CSMD2: variants seen among roughly 807,000 people sequenced by gnomAD.
CSMD2 encodes the protein CUB and sushi domain-containing protein 2.
In CSMD2, 130 loss-of-function variants were observed where a neutral mutation model predicts 398.5. The ratio of observed to expected loss-of-function variants is 0.33; its 90% CI spans 0.28 to 0.38. The LOEUF (loss-of-function observed/expected upper bound fraction) is 0.38. Among genes scored for constraint, CSMD2 ranks in the 10% least tolerant of loss-of-function variants. CSMD2 has a pLI of 1.00. For missense variants in CSMD2, 3,829 were observed against 4,764.9 expected, an observed-to-expected ratio of 0.80 and a Z score of 5.78; for synonymous variants, 1,828 against 1,908.5, an observed-to-expected ratio of 0.96 and a Z score of 1.10.
chr1:33,752,044 T>C (rs894319186), intron 13 of CSMD2, among the ~76,000 whole-genome samples: 13 of 152,180 alleles, frequency 8.5e-5, no homozygotes, highest in Admixed American at 1.3e-4. Context: ...GGAGGAAGAA[T>C]TATTTGAAGC....
rs1003595947 is a variant in CSMD2 at position 33,879,878 on chromosome 1, T to C, written c.921-32882A>G. Among the ~76,000 whole-genome samples, 3 of 152,198 alleles carry C rather than the reference T, an allele frequency of 2.0e-5. No homozygotes were observed. In the East Asian group the frequency reaches 5.8e-4, roughly 29 times the overall value. On this transcript the variant is annotated intron_variant, in intron 5 of 70. Coordinates refer to ENST00000373381, the MANE Select transcript of CSMD2 (RefSeq NM_001281956.2). Reference sequence around the variant, plus strand: ...AAATGAGAGCATGAATATAAAGAATTTAGCATAGCGCATCACACCTGATAC... The same window carrying C: ...AAATGAGAGCATGAATATAAAGAATCTAGCATAGCGCATCACACCTGATAC...
chr1:33,774,134 T>C (rs1651652442), intron 12 of CSMD2, among the ~76,000 whole-genome samples: 1 of 151,178 alleles, frequency 6.6e-6, no homozygotes, highest in Admixed American at 6.6e-5. Context: ...TGTGTGTGTG[T>C]GTGTGTGTGT....
chr1:33,811,928 T>C (rs1415483167), intron 9 of CSMD2, among the ~76,000 whole-genome samples: 1 of 152,178 alleles, frequency 6.6e-6, no homozygotes, highest in Non-Finnish European at 1.5e-5. Context: ...CAAGCTTAAC[T>C]ATATAAAATG....
At chr1:33,941,855 A>G (rs554447071) in intron 3 of CSMD2, among the ~76,000 whole-genome samples, 2 of 151,904 alleles carry the variant, frequency 1.3e-5, no homozygotes, top group Middle Eastern at 3.5e-3. Flanking sequence ...ATATATAATT[A>G]TACATTTTAT....
chr1:33,653,634 G>A (rs148260936), intron 27 of CSMD2, among the ~76,000 whole-genome samples: 1 of 152,254 alleles, frequency 6.6e-6, no homozygotes, highest in East Asian at 1.9e-4. Context: ...TTTACCTAGG[G>A]ACCTTCTGGG....
chr1:34,021,822 C>T (rs551098986), intron 3 of CSMD2, among the ~76,000 whole-genome samples: 4 of 152,318 alleles, frequency 2.6e-5, no homozygotes, highest in African/African-American at 9.6e-5. Flanking sequence ...ATGATAAGTA[C>T]ACCTCAACTG....
chr1:33,996,676 T>C (rs1411748570), intron 3 of CSMD2, among the ~76,000 whole-genome samples: 1 of 151,880 alleles, frequency 6.6e-6, no homozygotes, highest in Non-Finnish European at 1.5e-5. Flanking sequence ...AAGATCAAAT[T>C]AGATAAATCA....
intron 13 of CSMD2, among the ~76,000 whole-genome samples, chr1:33,750,981 A>C (rs1167462073): frequency 6.6e-6 from 1 of 152,164 alleles, no homozygotes; most frequent in Admixed American, 6.5e-5. Context: ...AATGAGAGAC[A>C]AATGGAGAGA....
chr1:34,019,528 T>C (rs1268277613), intron 3 of CSMD2, among the ~76,000 whole-genome samples: 6 of 152,094 alleles, frequency 3.9e-5, no homozygotes, highest in Non-Finnish European at 8.8e-5. Context: ...ATGTAGGGAG[T>C]GAGCCCTGGG....
intron 1 of CSMD2, among the ~76,000 whole-genome samples, chr1:34,154,950 A>C (rs1640670905): frequency 6.6e-6 from 1 of 151,876 alleles, no homozygotes; most frequent in Non-Finnish European, 1.5e-5. Flanking sequence ...CTGGTCTCAA[A>C]CTCCTGACCT....
intron 3 of CSMD2, among the ~76,000 whole-genome samples, chr1:34,023,578 C>A (rs1016971272): frequency 3.9e-5 from 6 of 152,140 alleles, no homozygotes; most frequent in African/African-American, 1.2e-4. Context: ...ATAGTTCTTG[C>A]CCTCGGAGAG....
At chr1:33,802,800 A>G (rs578248776) in intron 10 of CSMD2, among the ~76,000 whole-genome samples, 2 of 151,860 alleles carry the variant, frequency 1.3e-5, no homozygotes, top group African/African-American at 4.8e-5. Flanking sequence ...TTCTGTCACC[A>G]TCCCTCTTCT....
rs190810284 is a variant in CSMD2, at chr1:33,899,113, G to A, written c.920+18981C>T. 2.9e-4 allele frequency among the ~76,000 whole-genome samples: 44 copies of A among 152,304 alleles called. No homozygotes were observed. In the South Asian group the frequency reaches 3.3e-3, roughly 11 times the overall value. ...CGTGACGGATGTGGCTAAATGACAC[G>A]GGCCATTTATCTGCATTGACAGGGC... On this transcript the variant is annotated intron_variant, in intron 5 of 70. Transcript: ENST00000373381.
intron 3 of CSMD2, among the ~76,000 whole-genome samples, chr1:33,972,489 T>A (rs1367198996): frequency 6.6e-6 from 1 of 152,106 alleles, no homozygotes; most frequent in Admixed American, 6.5e-5. Context: ...GGGGAGGTCA[T>A]CCTGGATTAT....
intron 3 of CSMD2, among the ~76,000 whole-genome samples, chr1:33,998,594 C>A (rs1296915369): frequency 6.6e-6 from 1 of 152,190 alleles, no homozygotes; most frequent in African/African-American, 2.4e-5. Flanking sequence ...AGACTCCTAG[C>A]CTGGCAGCCC....
At chr1:33,668,172 C>A (rs577028469) in intron 25 of CSMD2, among the ~76,000 whole-genome samples, 52 of 152,216 alleles carry the variant, frequency 3.4e-4, no homozygotes, top group Middle Eastern at 3.4e-3. Context: ...AATGGAAAGG[C>A]CATGGAGGCG....
At chr1:33,752,091 T>A (rs772239194) in intron 13 of CSMD2, among the ~76,000 whole-genome samples, 9 of 152,164 alleles carry the variant, frequency 5.9e-5, no homozygotes, top group Non-Finnish European at 1.3e-4. Context: ...GAGGAAGAAT[T>A]TATAGCTAAA....
chr1:33,650,433 C>T (rs1643695032), intron 28 of CSMD2, among the ~76,000 whole-genome samples: 1 of 151,846 alleles, frequency 6.6e-6, no homozygotes, highest in South Asian at 2.1e-4. Flanking sequence ...AAGGAGGGAA[C>T]AGGAAGTTGC....
intron 5 of CSMD2, among the ~76,000 whole-genome samples, chr1:33,900,910 CAGAT>C (rs1213612410): frequency 6.6e-6 from 1 of 152,144 alleles, no homozygotes; most frequent in Admixed American, 6.5e-5. Flanking sequence ...AGGAGGAAGG[CAGAT>C]AGAGACTCAA....
Sources: gnomAD v4.1 joint callset for allele counts (sites outside exome capture counted in the v4.1 genomes callset) on GRCh38, gnomAD v4.1.1 for gene constraint, MANE v1.5 for transcripts, NCBI Gene and HGNC (gene_info 2026-07-23, HGNC 2026-07-21) for gene names.